Variants in PCSK5 observed in about 807,000 individuals in gnomAD.
The protein encoded by PCSK5 is prohormone convertase 5.
PCSK5 carries 129 observed loss-of-function variants against 233.2 expected under a neutral mutation model. The ratio of observed to expected loss-of-function variants is 0.55; its 90% CI spans 0.48 to 0.64. PCSK5 has a LOEUF of 0.64. PCSK5 is among the 30% of genes least tolerant of loss of function. The pLI, the probability that PCSK5 is intolerant of heterozygous loss-of-function variation, is 0.00. For synonymous variants in PCSK5, 825 were observed against 879.2 expected, an observed-to-expected ratio of 0.94 and a Z score of 1.09; for missense variants, 2,076 against 2,430.1, an observed-to-expected ratio of 0.85 and a Z score of 3.06.
chr9:76,276,165 C>T (rs1827683543), intron 24 of PCSK5, among the ~76,000 whole-genome samples: 1 of 152,020 alleles, frequency 6.6e-6, no homozygotes, highest in Non-Finnish European at 1.5e-5. Context: ...TGTTACTGCA[C>T]CCACAGTCTT....
At chr9:76,250,130 C>A (rs186304519) in intron 24 of PCSK5, among the ~76,000 whole-genome samples, 4 of 152,234 alleles carry the variant, frequency 2.6e-5, no homozygotes, top group East Asian at 1.9e-4. Context: ...CATGGTGAAA[C>A]CCTGTCTCTA....
intron 3 of PCSK5, among the ~76,000 whole-genome samples, chr9:76,022,435 G>A (rs547958937): frequency 6.6e-6 from 1 of 152,276 alleles, no homozygotes; most frequent in South Asian, 2.1e-4. Flanking sequence ...TTCCCGATAT[G>A]CTGAACTATT....
At chr9:76,183,153 G>T (rs1216970648) in intron 16 of PCSK5, among the ~76,000 whole-genome samples, 2 of 152,194 alleles carry the variant, frequency 1.3e-5, no homozygotes, top group Non-Finnish European at 2.9e-5. Flanking sequence ...TATCAGGAAG[G>T]TTGAGCCTTG....
At chr9:76,329,834 GA>G (rs998322468) in intron 33 of PCSK5, among the ~76,000 whole-genome samples, 1 of 151,452 alleles carries the variant, frequency 6.6e-6, no homozygotes, top group Non-Finnish European at 1.5e-5. Flanking sequence ...CTCTATCTCA[GA>G]AAAAAAAGAA....
chr9:76,178,361 A>G (rs953659692), intron 14 of PCSK5, among the ~76,000 whole-genome samples: 2 of 152,250 alleles, frequency 1.3e-5, no homozygotes, highest in African/African-American at 4.8e-5. Context: ...TGGAGAAGTC[A>G]TCCCTAGTAC....
chr9:76,215,439 C>A (rs562915693), intron 20 of PCSK5, among the ~76,000 whole-genome samples: 1 of 7,398 alleles, frequency 1.4e-4, no homozygotes, highest in African/African-American at 1.8e-3. Flanking sequence ...AGACCTAAGC[C>A]ATGGGCTGGG....
intron 8 of PCSK5, among the ~76,000 whole-genome samples, chr9:76,105,329 A>G (rs372603718): frequency 6.6e-6 from 1 of 152,248 alleles, no homozygotes; most frequent in East Asian, 1.9e-4. Context: ...ATGTAGAGGA[A>G]TCAAACACAT....
intron 27 of PCSK5, among the ~76,000 whole-genome samples, chr9:76,298,527 T>C (rs1372878773): frequency 6.6e-6 from 1 of 152,154 alleles, no homozygotes; most frequent in Non-Finnish European, 1.5e-5. Context: ...AAGGTAAAGC[T>C]GTAGCTCAGC....
chr9:76,065,567 C>T (rs903498472), intron 5 of PCSK5, among the ~76,000 whole-genome samples: 1 of 152,034 alleles, frequency 6.6e-6, no homozygotes, highest in Non-Finnish European at 1.5e-5. Context: ...CCTGGTCAGA[C>T]AGAGTTTGCC....
intron 10 of PCSK5, 36 bp from the exon 11 acceptor site, chr9:76,157,009 G>A (rs1822614354): frequency 7.0e-7 from 1 of 1,434,300 alleles, no homozygotes; most frequent in Non-Finnish European, 9.8e-7. Flanking sequence ...GACCTATGTA[G>A]CTTAGTGAAG....
Position 76,247,258 on chromosome 9 carries a change from C to T in PCSK5, c.3142+6574C>T, listed in dbSNP as rs115166195. Among the ~76,000 whole-genome samples the T allele has an allele frequency of 6.8e-3, 1,040 of 152,270 alleles. 10 individuals carry two copies. Among genetic ancestry groups the T allele is most frequent in the African/African-American group, 0.024 (993 of 41,534 alleles). On this transcript the variant is annotated intron_variant, in intron 24 of 37. Coordinates refer to ENST00000674117, the MANE Select transcript of PCSK5 (RefSeq NM_001372043.1). ...GCAGTGGTGGACGCGAGCGAAACTT[C>T]AGCTTGAGCCGTAACAAACATGGAC...
At chr9:75,960,005 G>T (rs866413900) in intron 2 of PCSK5, among the ~76,000 whole-genome samples, 1 of 152,194 alleles carries the variant, frequency 6.6e-6, no homozygotes, top group Non-Finnish European at 1.5e-5. Flanking sequence ...ACACTAGTTT[G>T]TGGAGGACCT....
intron 10 of PCSK5, among the ~76,000 whole-genome samples, chr9:76,138,557 C>T (rs1823074096): frequency 6.6e-6 from 1 of 152,078 alleles, no homozygotes; most frequent in African/African-American, 2.4e-5. Context: ...ATCCACTGAC[C>T]TCTCCCACCA....
chr9:75,891,248 G>A lies in PCSK5; in HGVS notation c.67G>A (p.Gly23Arg). Residue 23 changes from glycine (G) to arginine (R), a missense_variant, in exon 1 of 38, where the codon GGG becomes AGG. Transcript: ENST00000674117. ...LDLLCVLALLGGCLLPVCRTR... is the reference protein window; with the variant it reads ...LDLLCVLALLRGCLLPVCRTR... ...CCTGCTGTGCGTGCTGGCGCTGCTCGGGGGCTGCCTGCTCCCCGTGTGTCG... is the reference window on the plus strand; with the variant it reads ...CCTGCTGTGCGTGCTGGCGCTGCTCAGGGGCTGCCTGCTCCCCGTGTGTCG... 2 of 1,525,888 alleles carry A rather than the reference G, an allele frequency of 1.3e-6. No individual in the cohort carries two copies. The highest frequency in any genetic ancestry group is 1.7e-6 in the Non-Finnish European group (2 of 1,146,470). 94.5% of individuals were successfully genotyped at this position (1,525,888 alleles called of 1,614,324 possible).
chr9:75,909,260 A>T (rs1351567317), intron 1 of PCSK5, among the ~76,000 whole-genome samples: 1 of 151,736 alleles, frequency 6.6e-6, no homozygotes, highest in Non-Finnish European at 1.5e-5. Context: ...CGGGATGCAG[A>T]GGTTGCAATG....
intron 3 of PCSK5, among the ~76,000 whole-genome samples, chr9:76,014,010 C>A (rs1169754823): frequency 6.6e-6 from 1 of 150,434 alleles, no homozygotes; most frequent in Non-Finnish European, 1.5e-5. Context: ...TTGTGCTTAT[C>A]CAAGCCACAC....
intron 13 of PCSK5, among the ~76,000 whole-genome samples, chr9:76,171,696 A>G (rs559702186): frequency 6.6e-6 from 1 of 152,234 alleles, no homozygotes; most frequent in African/African-American, 2.4e-5. Flanking sequence ...CCTATTTCAT[A>G]GCAGAGGCAT....
At chr9:76,027,562 G>A (rs1434522073) in intron 5 of PCSK5, among the ~76,000 whole-genome samples, 181 of 101,824 alleles carry the variant, frequency 1.8e-3, no homozygotes, top group African/African-American at 6.9e-3. Context: ...CTTATTCCCC[G>A]CCCCCCGCCC....
chr9:75,940,573 A>G (rs1006827351), intron 2 of PCSK5, among the ~76,000 whole-genome samples: 5 of 152,254 alleles, frequency 3.3e-5, no homozygotes, highest in African/African-American at 1.2e-4. Flanking sequence ...TTTCCTACTC[A>G]TTCAGGCTGG....
Sources: gnomAD v4.1 joint callset for allele counts (sites outside exome capture counted in the v4.1 genomes callset) on GRCh38, gnomAD v4.1.1 for gene constraint, MANE v1.5 for transcripts, NCBI Gene and HGNC (gene_info 2026-07-23, HGNC 2026-07-21) for gene names.